ARIH1: variants seen among roughly 807,000 people sequenced by gnomAD.
ARIH1 encodes the protein E3 ubiquitin-protein ligase ARIH1.
A neutral mutation model predicts 85.0 loss-of-function variants in ARIH1; 8 were observed. The ratio of observed to expected loss-of-function variants is 0.09; its 90% CI spans 0.06 to 0.17. The LOEUF is 0.17. Ranked by LOEUF, ARIH1 falls within the 10% of genes least tolerant of loss-of-function variation. ARIH1 has a pLI of 1.00. For synonymous variants in ARIH1, 238 were observed against 253.6 expected, an observed-to-expected ratio of 0.94 and a Z score of 0.59; for missense variants, 311 against 718.1, an observed-to-expected ratio of 0.43 and a Z score of 6.48.
Position 72,474,846 on chromosome 15 carries a change from C to T in ARIH1, c.207C>T (p.Gly69=). Residue 69 remains glycine, a synonymous_variant, in exon 1 of 14, where the codon GGC becomes GGT. Coordinates refer to ENST00000379887, the MANE Select transcript of ARIH1 (RefSeq NM_005744.5). The part of the protein sequence containing the change: ...DGLLCGETGG[G]GGSALGPGGG... ...TGCTGTGCGGGGAGACGGGCGGTGG[C>T]GGCGGCAGCGCTCTGGGGCCCGGCG... The T allele has an allele frequency of 1.5e-6, 2 of 1,371,258 alleles. No individual in the cohort carries two copies. The highest frequency in any genetic ancestry group is 1.9e-6 in the Non-Finnish European group (2 of 1,063,690). 84.9% of individuals were successfully genotyped at this position (1,371,258 alleles called of 1,614,324 possible).
chr15:72,541,201 CAT>C (rs769346110), intron 2 of ARIH1, among the ~76,000 whole-genome samples: 9 of 152,164 alleles, frequency 5.9e-5, no homozygotes, highest in Non-Finnish European at 1.2e-4. Context: ...TTCTTTGAAA[CAT>C]ATGGCTAGTT....
rs2063788202 is a variant in ARIH1, at chr15:72,474,927, G to A, written c.288G>A (p.Glu96=). Residue 96 remains glutamate (E), a synonymous_variant, in exon 1 of 14, where the codon GAG becomes GAA. Coordinates refer to ENST00000379887, the MANE Select transcript of ARIH1 (RefSeq NM_005744.5). ...GGGGGPGHEQ[E]EDYRYEVLTA... ...GTGGCGGGCCGGGGCATGAGCAGGA[G>A]GAGGATTACCGCTACGAGGTGCTCA... 3.9e-6 allele frequency: 6 copies of A among 1,525,572 alleles called. No individual in the cohort carries two copies. Among genetic ancestry groups the A allele is most frequent in the Admixed American group, 2.0e-5 (1 of 48,946 alleles). The allele number at this position is 1,525,572 out of a possible 1,614,324, so 94.5% of individuals were successfully genotyped here.
At chr15:72,562,642 G>C (rs1331979313) in intron 6 of ARIH1, among the ~76,000 whole-genome samples, 1 of 151,408 alleles carries the variant, frequency 6.6e-6, no homozygotes, top group Admixed American at 6.6e-5. Context: ...CTTTTTATGG[G>C]AGAAGTTGTA....
intron 1 of ARIH1, among the ~76,000 whole-genome samples, chr15:72,509,211 G>A (rs2063939739): frequency 6.6e-6 from 1 of 151,712 alleles, no homozygotes; most frequent in Admixed American, 6.6e-5. Context: ...GCCTGGCCTT[G>A]AAGTCCTGAC....
At chr15:72,517,064 T>C (rs971292261) in intron 1 of ARIH1, among the ~76,000 whole-genome samples, 4 of 152,174 alleles carry the variant, frequency 2.6e-5, no homozygotes, top group Admixed American at 6.5e-5. Flanking sequence ...AATGGAGATA[T>C]TTGTGACAGC....
At chr15:72,526,756 C>T (rs925486898) in intron 2 of ARIH1, among the ~76,000 whole-genome samples, 10 of 151,852 alleles carry the variant, frequency 6.6e-5, no homozygotes, top group South Asian at 2.1e-4. Flanking sequence ...GGGCAAAGGT[C>T]GGAGCTGGTG....
chr15:72,519,475 G>GTGT (rs2063989343), intron 2 of ARIH1, among the ~76,000 whole-genome samples: 1 of 62,544 alleles, frequency 1.6e-5, no homozygotes, highest in African/African-American at 6.5e-5. Flanking sequence ...TGTTTTTTTT[G>GTGT]TTTTTTTTTT....
At chr15:72,547,027 A>C (rs2064132583) in intron 3 of ARIH1, among the ~76,000 whole-genome samples, 1 of 151,138 alleles carries the variant, frequency 6.6e-6, no homozygotes, top group African/African-American at 2.5e-5. Flanking sequence ...TCCCAGGTTC[A>C]TGCCATTCGC....
chr15:72,557,552 A>C (rs1387739460), intron 5 of ARIH1, among the ~76,000 whole-genome samples: 1 of 152,100 alleles, frequency 6.6e-6, no homozygotes, highest in Non-Finnish European at 1.5e-5. Context: ...CATTAGTTTA[A>C]TTAAGTCCCA....
intron 1 of ARIH1, among the ~76,000 whole-genome samples, chr15:72,483,436 G>T (rs573052139): frequency 4.6e-5 from 7 of 152,304 alleles, no homozygotes; most frequent in African/African-American, 1.7e-4. Flanking sequence ...TCTATTTGTT[G>T]TAAGTGAATA....
chr15:72,540,416 G>A (rs1180804274), intron 2 of ARIH1, among the ~76,000 whole-genome samples: 1 of 151,914 alleles, frequency 6.6e-6, no homozygotes. Context: ...TAATTACATA[G>A]GCCACTCCTA....
chr15:72,475,687 A>G (rs1469251840), intron 1 of ARIH1, among the ~76,000 whole-genome samples: 2 of 152,168 alleles, frequency 1.3e-5, no homozygotes, highest in Non-Finnish European at 2.9e-5. Flanking sequence ...GACTTGCTTG[A>G]AGCTGTTGGA....
intron 11 of ARIH1, among the ~76,000 whole-genome samples, chr15:72,573,326 C>G (rs890141867): frequency 6.6e-6 from 1 of 152,046 alleles, no homozygotes; most frequent in African/African-American, 2.4e-5. Context: ...TTTGGGAGGC[C>G]GAGGCAGGCG....
At chr15:72,514,090 T>G (rs2063963976) in intron 1 of ARIH1, among the ~76,000 whole-genome samples, 1 of 151,518 alleles carries the variant, frequency 6.6e-6, no homozygotes. Flanking sequence ...TCCTCCTGCC[T>G]TAGCCTCCCA....
At chr15:72,581,916 T>C in intron 12 of ARIH1, 159 bp from the exon 13 acceptor site, 1 of 478,452 alleles carries the variant, frequency 2.1e-6, no homozygotes, top group Non-Finnish European at 3.8e-6. Context: ...AAACAAGTTA[T>C]TAGAGATGAA....
At chr15:72,568,695 T>C (rs1567358422) in intron 9 of ARIH1, among the ~76,000 whole-genome samples, 1 of 152,214 alleles carries the variant, frequency 6.6e-6, no homozygotes, top group Non-Finnish European at 1.5e-5. Flanking sequence ...AGGTTAATTA[T>C]AACCAAGAAA....
In ARIH1 at chr15:72,583,287, G is replaced by T. The variant is rs1477923543; in HGVS notation, c.1669G>T (p.Asp557Tyr). ...AAAAGATCTGTGGGAGTACATTGAG[G>T]ACTGAGAATGGCCCTGCATAAAATG... is the stretch of plus-strand genomic sequence containing the variant. ...YEKDLWEYIED is the reference protein window; with the variant it reads ...YEKDLWEYIEY The change falls in exon 14 of 14, where the codon GAC becomes TAC. Residue 557 changes from aspartate (D) to tyrosine (Y), a missense_variant. Asp to Tyr is a radical substitution (Grantham distance 160, BLOSUM62 -3). This residue lies in a region of ARIH1 where 50 missense variants were observed against 311.7 expected (regional missense o/e 0.16). Coordinates refer to ENST00000379887, the MANE Select transcript of ARIH1 (RefSeq NM_005744.5). 1 of 1,612,166 alleles carries T rather than the reference G, an allele frequency of 6.2e-7. No individual in the cohort carries two copies. The highest frequency in any genetic ancestry group is 1.1e-5 in the South Asian group (1 of 90,936).
intron 5 of ARIH1, among the ~76,000 whole-genome samples, chr15:72,561,209 C>T (rs2064196057): frequency 6.6e-6 from 1 of 152,020 alleles, no homozygotes. Flanking sequence ...GTTGGTAAGT[C>T]ATTAGGCTGT....
At chr15:72,504,564 A>G (rs577691858) in intron 1 of ARIH1, among the ~76,000 whole-genome samples, 193 of 152,172 alleles carry the variant, frequency 1.3e-3, no homozygotes, top group Non-Finnish European at 2.4e-3. Context: ...TCTGAAGTCC[A>G]GGGACCTCTC....
Sources: allele counts gnomAD v4.1 joint callset (sites outside exome capture counted in the v4.1 genomes callset), GRCh38; gene constraint gnomAD v4.1.1; regional missense constraint gnomAD v4.1.1; transcripts MANE v1.5; gene names NCBI Gene and HGNC (gene_info 2026-07-23, HGNC 2026-07-21).